Variants in PHF21B observed in about 807,000 individuals in gnomAD.
The protein encoded by PHF21B is PHD finger protein 21B.
In PHF21B, 22 loss-of-function variants were observed where a neutral mutation model predicts 62.2. The ratio of observed to expected loss-of-function variants is 0.35; its 90% CI spans 0.25 to 0.51. The LOEUF (loss-of-function observed/expected upper bound fraction) is 0.51, where lower values mean the gene tolerates loss of function less well. Ranked by LOEUF, PHF21B falls within the 20% of genes least tolerant of loss-of-function variation. The probability of loss-of-function intolerance (pLI) is 0.97; values close to 1 mark genes in which losing one functional copy is unlikely to be tolerated. For missense variants in PHF21B, 701 were observed against 707.9 expected (o/e 0.99, Z 0.11); for synonymous variants, 341 against 314.7 (o/e 1.08, Z -0.88).
chr22:44,911,802 G>C (rs963518056), intron 5 of PHF21B, among the ~76,000 whole-genome samples: 4 of 152,246 alleles, frequency 2.6e-5, no homozygotes, highest in African/African-American at 7.2e-5. Context: ...GGCTAGTGGA[G>C]CTATGAGAAG....
chr22:44,966,304 C>G (rs545817784), intron 2 of PHF21B, among the ~76,000 whole-genome samples: 26 of 152,374 alleles, frequency 1.7e-4, no homozygotes, highest in African/African-American at 6.3e-4. Context: ...GAGTCTCCAG[C>G]CCCTTTTTGA....
chr22:44,911,767 TA>T (rs1200741116), intron 5 of PHF21B, among the ~76,000 whole-genome samples: 6 of 152,348 alleles, frequency 3.9e-5, no homozygotes, highest in African/African-American at 1.4e-4. Context: ...TTGGAGCCCC[TA>T]CACGGAGTCT....
At chr22:44,884,499 G>A (rs111213386) in intron 12 of PHF21B, among the ~76,000 whole-genome samples, 18,691 of 90,632 alleles carry the variant, frequency 0.21, 2,436 homozygotes, top group African/African-American at 0.36. Context: ...GATCACCATC[G>A]TCACCACCAC....
intron 2 of PHF21B, among the ~76,000 whole-genome samples, chr22:44,954,989 G>T (rs2072266402): frequency 6.6e-6 from 1 of 152,196 alleles, no homozygotes; most frequent in Non-Finnish European, 1.5e-5. Flanking sequence ...GTGGCAGGCG[G>T]GGTGGAGCTT....
Position 45,008,539 on chromosome 22 carries a change from G to T in PHF21B, c.120+6C>A. The T allele has an allele frequency of 3.8e-6, 6 of 1,573,240 alleles. No homozygotes were observed. The highest frequency in any genetic ancestry group is 5.2e-6 in the Non-Finnish European group (6 of 1,159,038). ...TCCCAGGGGGGGCCGCGATCCCATC[G>T]CTTACTTGTTTGTCGCTGAGCGCGG... is the stretch of plus-strand genomic sequence containing the variant. On this transcript the variant is annotated splice_donor_region_variant and intron_variant, in intron 2 of 12. Transcript: ENST00000313237.
rs79688519 is a variant in PHF21B at position 44,980,781 on chromosome 22, C to T, written c.120+27764G>A. Among the ~76,000 whole-genome samples the T allele has an allele frequency of 4.3e-3, 649 of 152,290 alleles. 7 individuals carry two copies. The highest frequency in any genetic ancestry group is 0.014 in the African/African-American group (563 of 41,558). ...TTGAAAACAAGGCCAGGGTCCTCTG[C>T]CCGCCCCAGGAAGCCGAGCCCCTTC... On this transcript the variant is annotated intron_variant, in intron 2 of 12. Coordinates refer to ENST00000313237, the MANE Select transcript of PHF21B (RefSeq NM_138415.5).
intron 2 of PHF21B, among the ~76,000 whole-genome samples, chr22:44,964,944 C>T (rs1457250808): frequency 6.6e-6 from 1 of 152,216 alleles, no homozygotes; most frequent in African/African-American, 2.4e-5. Context: ...AGCCTTGGCT[C>T]CTGTCCGTAC....
intron 2 of PHF21B, among the ~76,000 whole-genome samples, chr22:45,002,194 G>A (rs2073232477): frequency 6.6e-6 from 1 of 152,156 alleles, no homozygotes; most frequent in African/African-American, 2.4e-5. Flanking sequence ...CATGTCTACT[G>A]TTGTATTGAC....
At chr22:44,987,014 G>A (rs772871516) in intron 2 of PHF21B, among the ~76,000 whole-genome samples, 1 of 152,208 alleles carries the variant, frequency 6.6e-6, no homozygotes, top group Non-Finnish European at 1.5e-5. Flanking sequence ...TTCATACCTC[G>A]AGAGAGGCTA....
intron 2 of PHF21B, among the ~76,000 whole-genome samples, chr22:44,987,343 T>C (rs2072968831): frequency 1.3e-5 from 2 of 152,088 alleles, no homozygotes; most frequent in East Asian, 1.9e-4. Context: ...GGGAGACCAA[T>C]GTTTCTGAAG....
chr22:44,937,750 C>T (rs1706231633), intron 2 of PHF21B, among the ~76,000 whole-genome samples: 1 of 152,252 alleles, frequency 6.6e-6, no homozygotes, highest in Admixed American at 6.5e-5. Flanking sequence ...CACTGAGAAA[C>T]ACGCAGGGAA....
At chr22:44,996,210 G>A (rs114072768) in intron 2 of PHF21B, among the ~76,000 whole-genome samples, 4,058 of 152,130 alleles carry the variant, frequency 0.027, 181 homozygotes, top group African/African-American at 0.092. Flanking sequence ...CCACAGCTTC[G>A]GTGTCTGCCA....
At chr22:44,892,027 C>A (rs924981168) in intron 7 of PHF21B, among the ~76,000 whole-genome samples, 1 of 152,170 alleles carries the variant, frequency 6.6e-6, no homozygotes, top group Admixed American at 6.5e-5. Flanking sequence ...GGTCACGGGG[C>A]CTTGGGTTGA....
intron 2 of PHF21B, among the ~76,000 whole-genome samples, chr22:44,987,539 G>A (rs1378674282): frequency 6.6e-6 from 1 of 152,106 alleles, no homozygotes; most frequent in African/African-American, 2.4e-5. Context: ...ACTAACAAGG[G>A]TCCAACGTGG....
At chr22:44,998,479 G>A (rs2073157722) in intron 2 of PHF21B, among the ~76,000 whole-genome samples, 2 of 152,156 alleles carry the variant, frequency 1.3e-5, no homozygotes, top group South Asian at 2.1e-4. Flanking sequence ...AACCCCGACC[G>A]GGGCCTCAGT....
chr22:44,939,812 A>G, intron 2 of PHF21B, among the ~76,000 whole-genome samples: 1 of 152,122 alleles, frequency 6.6e-6, no homozygotes, highest in East Asian at 1.9e-4. Flanking sequence ...GCAGTCCAGG[A>G]GCTGCCCAGT....
chr22:44,891,077 C>T (rs1200388752), intron 8 of PHF21B, among the ~76,000 whole-genome samples: 21 of 152,306 alleles, frequency 1.4e-4, no homozygotes, highest in Admixed American at 1.3e-3. Flanking sequence ...ACACCTATGG[C>T]CCAGGCTGTG....
intron 5 of PHF21B, among the ~76,000 whole-genome samples, chr22:44,896,515 T>C (rs1412360739): frequency 1.3e-5 from 2 of 152,208 alleles, no homozygotes; most frequent in Admixed American, 6.5e-5. Context: ...CAAATATACT[T>C]TAAAGAGCTA....
At chr22:44,940,355 GCTAATCTC>G (rs1468715569) in intron 2 of PHF21B, among the ~76,000 whole-genome samples, 1 of 152,208 alleles carries the variant, frequency 6.6e-6, no homozygotes, top group East Asian at 1.9e-4. Context: ...CATTAGCATT[GCTAATCTC>G]CCGCCAGCCC....
Sources: allele counts gnomAD v4.1 joint callset (sites outside exome capture counted in the v4.1 genomes callset), GRCh38; gene constraint gnomAD v4.1.1; transcripts MANE v1.5; gene names NCBI Gene and HGNC (gene_info 2026-07-23, HGNC 2026-07-21).